Variants in NOL10 observed in about 807,000 individuals in gnomAD.
The protein encoded by NOL10 is nucleolar protein 10.
A neutral mutation model predicts 103.5 loss-of-function variants in NOL10; 58 were observed. The ratio of observed to expected loss-of-function variants is 0.56; its 90% CI spans 0.45 to 0.70. The LOEUF is 0.70. Among genes scored for constraint, NOL10 ranks in the 30% least tolerant of loss-of-function variants. NOL10 has a pLI of 0.00. For missense variants in NOL10, 763 were observed against 807.3 expected, an observed-to-expected ratio of 0.95 and a Z score of 0.67; for synonymous variants, 287 against 282.5, an observed-to-expected ratio of 1.02 and a Z score of -0.16.
chr2:10,579,344 A>G (rs1674631694), intron 19 of NOL10, among the ~76,000 whole-genome samples: 1 of 152,218 alleles, frequency 6.6e-6, no homozygotes, highest in South Asian at 2.1e-4. Context: ...TATCCTTTAT[A>G]GATGGCAAAA....
At chr2:10,652,048 T>G (rs1447751059) in intron 12 of NOL10, among the ~76,000 whole-genome samples, 2 of 152,012 alleles carry the variant, frequency 1.3e-5, no homozygotes, top group East Asian at 3.9e-4. Flanking sequence ...GAGACCAGCC[T>G]GACCAACATG....
chr2:10,587,102 T>TATATACATACAC (rs1675096964), intron 19 of NOL10, among the ~76,000 whole-genome samples: 1 of 40,290 alleles, frequency 2.5e-5, no homozygotes, highest in African/African-American at 1.4e-4. Flanking sequence ...TATATACACA[T>TATATACATACAC]ATATATACAT....
intron 9 of NOL10, 62 bp downstream of exon 9, chr2:10,662,897 T>C (rs938430174): frequency 4.2e-6 from 5 of 1,193,690 alleles, no homozygotes; most frequent in South Asian, 2.6e-5. Flanking sequence ...GAATTTAATA[T>C]AGACACATTA....
At chr2:10,662,180 C>A (rs1031558541) in intron 9 of NOL10, among the ~76,000 whole-genome samples, 1 of 152,182 alleles carries the variant, frequency 6.6e-6, no homozygotes, top group East Asian at 1.9e-4. Flanking sequence ...GTGCCTACAG[C>A]AAAGGGCTGT....
At chr2:10,574,315 C>T (rs944126282) in intron 20 of NOL10, among the ~76,000 whole-genome samples, 3 of 147,618 alleles carry the variant, frequency 2.0e-5, no homozygotes, top group Middle Eastern at 3.4e-3. Flanking sequence ...CTCAATATTT[C>T]GATTCTTCAT....
chr2:10,689,908 T>TGCTCGAGCACCGTAATCCCGGGAC lies in NOL10; in HGVS notation c.-71_-48dup, dbSNP rs1199020010. 6.4e-7 allele frequency: 1 copy of TGCTCGAGCACCGTAATCCCGGGAC among 1,555,848 alleles called. No individual in the cohort carries two copies. The highest frequency in any genetic ancestry group is 8.7e-7 in the Non-Finnish European group (1 of 1,144,632). On this transcript the variant is annotated 5_prime_UTR_variant, in exon 1 of 21. Transcript: ENST00000381685. ...AGTCCCGGGTCCTTTCCCACCAGCG[T>TGCTCGAGCACCGTAATCCCGGGAC]GCTCGAGCACCGTAATCCCGGGACC... is the stretch of plus-strand genomic sequence containing the variant.
At chr2:10,648,000 C>G (rs1174113420) in intron 12 of NOL10, among the ~76,000 whole-genome samples, 1 of 152,186 alleles carries the variant, frequency 6.6e-6, no homozygotes, top group Non-Finnish European at 1.5e-5. Flanking sequence ...ACTCAAGACA[C>G]ACGTAAGCTT....
intron 13 of NOL10, among the ~76,000 whole-genome samples, chr2:10,641,416 AC>A (rs1678689900): frequency 6.6e-6 from 1 of 152,122 alleles, no homozygotes; most frequent in Non-Finnish European, 1.5e-5. Flanking sequence ...AAAAAACAAT[AC>A]ATCCAAATAT....
intron 19 of NOL10, among the ~76,000 whole-genome samples, chr2:10,578,822 ATAAGATTGAGAG>A (rs1219903252): frequency 3.3e-4 from 50 of 152,204 alleles, no homozygotes; most frequent in Non-Finnish European, 2.4e-4. Flanking sequence ...TATCCCCCTG[ATAAGATTGAGAG>A]AGATGCGAGG....
At chr2:10,661,645 A>C (rs1317995354) in intron 9 of NOL10, among the ~76,000 whole-genome samples, 1 of 152,180 alleles carries the variant, frequency 6.6e-6, no homozygotes, top group Non-Finnish European at 1.5e-5. Flanking sequence ...TGCTGGGATT[A>C]CAGGTGTGAG....
Position 10,667,269 on chromosome 2 carries a change from A to G in NOL10, c.540T>C (p.Asn180=), listed in dbSNP as rs1370719407. The G allele has an allele frequency of 3.2e-6, 5 of 1,585,588 alleles. No individual in the cohort carries two copies. The highest frequency in any genetic ancestry group is 2.3e-5 in the East Asian group (1 of 43,952). The change falls in exon 8 of 21, where the codon AAT becomes AAC. Residue 180 remains asparagine (N), a synonymous_variant. Transcript: ENST00000381685. The part of the protein sequence containing the change: ...NPLQTDAAEN[N]VCDINSVHGL... ...CATGCACTGAATTTATGTCACAAAC[A>G]TTATTCTCCCTAACACAGGAAAGCA...
At chr2:10,573,136 T>C (rs946813398) in intron 20 of NOL10, among the ~76,000 whole-genome samples, 5 of 151,944 alleles carry the variant, frequency 3.3e-5, no homozygotes, top group East Asian at 1.9e-4. Flanking sequence ...GGGGCCTCAG[T>C]TGATAAAGCG....
At chr2:10,645,633 A>G (rs1470855983) in intron 12 of NOL10, among the ~76,000 whole-genome samples, 1 of 150,010 alleles carries the variant, frequency 6.7e-6, no homozygotes, top group Non-Finnish European at 1.5e-5. Flanking sequence ...TCCTGGGTTC[A>G]CGTCATTCTC....
chr2:10,596,067 T>G (rs1366595298), intron 17 of NOL10, among the ~76,000 whole-genome samples: 1 of 152,116 alleles, frequency 6.6e-6, no homozygotes, highest in African/African-American at 2.4e-5. Flanking sequence ...TGTACCTAAT[T>G]GTATTCCCTA....
intron 17 of NOL10, 119 bp downstream of exon 17, chr2:10,600,734 T>C (rs530833773): frequency 2.9e-6 from 2 of 683,844 alleles, no homozygotes; most frequent in Non-Finnish European, 5.1e-6. Context: ...TATACTAATC[T>C]TATACGCAGG....
rs938667377 is a variant in NOL10, at chr2:10,602,768, A to G, written c.1332+8T>C. 20 of 1,526,312 alleles carry G rather than the reference A, an allele frequency of 1.3e-5. No homozygotes were observed. The highest frequency in any genetic ancestry group is 1.7e-5 in the Non-Finnish European group (19 of 1,107,052). The allele number at this position is 1,526,312 out of a possible 1,614,324, so 94.5% of individuals were successfully genotyped here. A position where few individuals can be genotyped will look rare whatever the true frequency, so the allele number is the denominator to read the frequency against. On this transcript the variant is annotated splice_region_variant and intron_variant, in intron 16 of 20. Coordinates refer to ENST00000381685, the MANE Select transcript of NOL10 (RefSeq NM_024894.4). ...TCTGATAAATTCAATGGTAAGTATA[A>G]TATTTACCTTTAACTGGACTCTCTG...
chr2:10,602,714 A>C (rs759913645), intron 16 of NOL10, 62 bp downstream of exon 16: 15 of 1,017,494 alleles, frequency 1.5e-5, no homozygotes, highest in Non-Finnish European at 2.1e-5. Context: ...CTTTGGAATA[A>C]TACACAAAAT....
At chr2:10,575,971 T>G (rs756208933) in intron 20 of NOL10, among the ~76,000 whole-genome samples, 2 of 152,196 alleles carry the variant, frequency 1.3e-5, no homozygotes, top group Non-Finnish European at 2.9e-5. Context: ...CTGAAAAGCT[T>G]TTTGCACTTA....
Position 10,589,744 on chromosome 2 carries a change from G to C in NOL10, c.1430C>G (p.Pro477Arg). ...STWKKKVKSLPNILTDDRFKV... is the reference protein window; with the variant it reads ...STWKKKVKSLRNILTDDRFKV... Reference sequence around the variant, plus strand: ...AAATCGATCATCGGTGAGAATATTAGGAAGACTCTACAAGGAGGAAAAAGT... The same window carrying C: ...AAATCGATCATCGGTGAGAATATTACGAAGACTCTACAAGGAGGAAAAAGT... Residue 477 changes from proline to arginine, a missense_variant, in exon 18 of 21, where the codon CCT (proline) becomes CGT (arginine). Pro to Arg is a moderately radical substitution (Grantham distance 103). Coordinates refer to ENST00000381685, the MANE Select transcript of NOL10 (RefSeq NM_024894.4). 6.6e-7 allele frequency: 1 copy of C among 1,521,710 alleles called. No homozygotes were observed. Among genetic ancestry groups the C allele is most frequent in the Non-Finnish European group, 8.8e-7 (1 of 1,138,736 alleles). The allele number at this position is 1,521,710 out of a possible 1,614,324, so 94.3% of individuals were successfully genotyped here. A position where few individuals can be genotyped will look rare whatever the true frequency, so the allele number is the denominator to read the frequency against.
Sources: gnomAD v4.1 joint callset for allele counts (sites outside exome capture counted in the v4.1 genomes callset) on GRCh38, gnomAD v4.1.1 for gene constraint, MANE v1.5 for transcripts, NCBI Gene and HGNC (gene_info 2026-07-23, HGNC 2026-07-21) for gene names.